Variants in COL5A1 observed in about 807,000 individuals in gnomAD.
COL5A1 encodes the protein collagen type V alpha 1 chain, also known as collagen alpha-1(V) chain.
Under a neutral mutation model 263.7 loss-of-function variants are expected in COL5A1, and 16 were observed. The observed-to-expected ratio is 0.06, with a 90% CI of 0.04 to 0.09. The LOEUF is 0.09. Ranked by LOEUF, COL5A1 falls within the 10% of genes least tolerant of loss-of-function variation. The pLI is 1.00. For missense variants in COL5A1, 2,036 were observed against 2,540.5 expected, an observed-to-expected ratio of 0.80 and a Z score of 4.27; for synonymous variants, 1,012 against 1,004.5, an observed-to-expected ratio of 1.01 and a Z score of -0.14.
intron 26 of COL5A1, among the ~76,000 whole-genome samples, chr9:134,774,180 G>C (rs922909848): frequency 1.2e-4 from 19 of 152,246 alleles, no homozygotes; most frequent in Admixed American, 5.9e-4. Flanking sequence ...CATCCTGTTA[G>C]CGATGGGATA....
In COL5A1 at chr9:134,804,982, C is replaced by T. The variant is rs1347295685; in HGVS notation, c.3122C>T (p.Pro1041Leu). ...CTCTGACTCTGTTTTCAGGGTGACC[C>T]AGGCCCTGCAGGCCTCCCTGGGAAA... ...LAGKEGTKGD[P>L]GPAGLPGKDG... The change falls in exon 40 of 66, where the codon CCA becomes CTA. Residue 1041 changes from proline to leucine, a missense_variant. Physicochemically the swap from Pro to Leu is moderately conservative, Grantham distance 98 (BLOSUM62 -3). This residue lies in a region of COL5A1 where 1,078 missense variants were observed against 1,521.4 expected (regional missense o/e 0.71). Coordinates refer to ENST00000371817, the MANE Select transcript of COL5A1 (RefSeq NM_000093.5). The T allele has an allele frequency of 6.2e-7, 1 of 1,613,376 alleles. No homozygotes were observed. The highest frequency in any genetic ancestry group is 8.5e-7 in the Non-Finnish European group (1 of 1,179,564).
chr9:134,754,532 G>A lies in COL5A1; in HGVS notation c.1827+206G>A, dbSNP rs927504954. On this transcript the variant is annotated intron_variant, in intron 16 of 65. Coordinates refer to ENST00000371817, the MANE Select transcript of COL5A1 (RefSeq NM_000093.5). This position sits in a 1 kb window ranked among gnomAD's most constrained non-coding sequence, Gnocchi z 4.3. ...TCTGTGTCCTGGGCGCAGACACAGC[G>A]GACCAGGCCTCTTCCCTGGGCACAT... Among the ~76,000 whole-genome samples, 14 of 152,236 alleles carry A rather than the reference G, an allele frequency of 9.2e-5. No individual in the cohort carries two copies. Among genetic ancestry groups the A allele is most frequent in the Non-Finnish European group, 1.3e-4 (9 of 68,036 alleles).
At chr9:134,748,358 CACAT>C (rs544629439) in intron 11 of COL5A1, among the ~76,000 whole-genome samples, 12 of 152,238 alleles carry the variant, frequency 7.9e-5, no homozygotes, top group Admixed American at 4.6e-4. Flanking sequence ...CACACACATG[CACAT>C]ACATACACTT....
At chr9:134,644,679 G>T (rs371533032) in intron 1 of COL5A1, among the ~76,000 whole-genome samples, 1 of 152,138 alleles carries the variant, frequency 6.6e-6, no homozygotes, top group East Asian at 1.9e-4. Flanking sequence ...CAGTTCTTTT[G>T]CCTGCTTTCT....
rs1394336621 is a variant in COL5A1, at chr9:134,842,875, GTTTTAAGTAAATA to G, written c.*576_*588del. On this transcript the variant is annotated 3_prime_UTR_variant, in exon 66 of 66. Coordinates refer to ENST00000371817, the MANE Select transcript of COL5A1 (RefSeq NM_000093.5). This position sits in a 1 kb window ranked among gnomAD's most constrained non-coding sequence, Gnocchi z 5.8. ...ATTAAAGGTGCTTATGTTTTTGTGA[GTTTTAAGTAAATA>G]TTTGTATTGTATTGTTATAAATGTT... The G allele has an allele frequency of 6.1e-6, 1 of 163,886 alleles. No individual in the cohort carries two copies. The highest frequency in any genetic ancestry group is 1.8e-4 in the East Asian group (1 of 5,682). The allele number at this position is 163,886 out of a possible 1,614,324, so 10.2% of individuals were successfully genotyped here.
At chr9:134,774,373 G>C (rs985761645) in intron 26 of COL5A1, among the ~76,000 whole-genome samples, 1 of 152,172 alleles carries the variant, frequency 6.6e-6, no homozygotes, top group African/African-American at 2.4e-5. Flanking sequence ...CATGGGGGCT[G>C]GATGCCCACC....
At chr9:134,725,170 T>C (rs780142284) in intron 4 of COL5A1, among the ~76,000 whole-genome samples, 1 of 152,022 alleles carries the variant, frequency 6.6e-6, no homozygotes, top group Non-Finnish European at 1.5e-5. Context: ...TTCTTTTCCC[T>C]CCCTTGAGTG....
At chr9:134,823,238 C>T (rs1056602248) in intron 60 of COL5A1, among the ~76,000 whole-genome samples, 178 bp from the exon 61 acceptor site, 11 of 152,226 alleles carry the variant, frequency 7.2e-5, no homozygotes, top group African/African-American at 2.2e-4. Flanking sequence ...CCATCCCTCT[C>T]TGTTCTCATC....
chr9:134,689,913 G>A (rs1046574621), intron 1 of COL5A1, among the ~76,000 whole-genome samples: 10 of 152,192 alleles, frequency 6.6e-5, no homozygotes, highest in African/African-American at 2.2e-4. Flanking sequence ...CCTCTTGCTC[G>A]TGGGCACAGG....
chr9:134,803,204 G>T (rs1838175290), intron 39 of COL5A1, among the ~76,000 whole-genome samples: 1 of 152,138 alleles, frequency 6.6e-6, no homozygotes, highest in Non-Finnish European at 1.5e-5. Flanking sequence ...TGGGCTTGAA[G>T]GGGGAGCGCA....
chr9:134,714,636 T>G (rs1588463991), intron 4 of COL5A1, among the ~76,000 whole-genome samples: 1 of 132,140 alleles, frequency 7.6e-6, no homozygotes. Context: ...GTGGTGGAGG[T>G]GATGGTGGTG....
intron 1 of COL5A1, among the ~76,000 whole-genome samples, chr9:134,690,366 T>A (rs1833234961): frequency 1.3e-5 from 2 of 151,902 alleles, no homozygotes; most frequent in South Asian, 2.1e-4. Context: ...GGGCCTCAGG[T>A]GGGGTGAAGG....
chr9:134,822,781 G>A, intron 59 of COL5A1: 2 of 643,382 alleles, frequency 3.1e-6, no homozygotes, highest in South Asian at 1.8e-5. Flanking sequence ...GGCTGGCCGG[G>A]GGCAGGTAGG....
intron 32 of COL5A1, among the ~76,000 whole-genome samples, chr9:134,793,484 G>T (rs1837792283): frequency 6.6e-6 from 1 of 152,162 alleles, no homozygotes; most frequent in Non-Finnish European, 1.5e-5. Context: ...TGCCTGCTGG[G>T]AGCCCCAGAT....
At chr9:134,679,930 T>C (rs906699519) in intron 1 of COL5A1, among the ~76,000 whole-genome samples, 1 of 151,500 alleles carries the variant, frequency 6.6e-6, no homozygotes, top group African/African-American at 2.4e-5. Flanking sequence ...GGCTTGTACA[T>C]GGGGGGTTTA....
intron 65 of COL5A1, among the ~76,000 whole-genome samples, chr9:134,837,824 C>G (rs1588618037): frequency 6.6e-6 from 1 of 152,146 alleles, no homozygotes; most frequent in East Asian, 1.9e-4. Context: ...CAAGTGTTCC[C>G]TTCTTTCTAC....
chr9:134,667,525 G>A (rs527918384), intron 1 of COL5A1, among the ~76,000 whole-genome samples: 2 of 152,348 alleles, frequency 1.3e-5, no homozygotes, highest in Non-Finnish European at 2.9e-5. Flanking sequence ...GTGCTCACTT[G>A]TCACTCATAA....
intron 31 of COL5A1, among the ~76,000 whole-genome samples, chr9:134,786,865 A>T (rs1193041376): frequency 6.6e-6 from 1 of 152,142 alleles, no homozygotes; most frequent in Non-Finnish European, 1.5e-5. Context: ...TTTCGGTCTC[A>T]CTGGAGCAGT....
chr9:134,805,214 G>T lies in COL5A1; in HGVS notation c.3258G>T (p.Ala1086=). ...GGCCCCCTGGCCCACCAGGCCCTGCGGTGAGTCAAAGCCTTTGTCCCATCC... is the reference window on the plus strand; with the variant it reads ...GGCCCCCTGGCCCACCAGGCCCTGCTGTGAGTCAAAGCCTTTGTCCCATCC... ...NEGPPGPPGP[A]GSPGERGPAG... The change falls in exon 41 of 66, where the codon GCG becomes GCT. Residue 1086 remains alanine, a splice_region_variant and synonymous_variant. Transcript: ENST00000371817. The T allele has an allele frequency of 6.2e-7, 1 of 1,613,896 alleles. No individual in the cohort carries two copies. The highest frequency in any genetic ancestry group is 8.5e-7 in the Non-Finnish European group (1 of 1,180,024).
Sources: allele counts gnomAD v4.1 joint callset (sites outside exome capture counted in the v4.1 genomes callset), GRCh38; gene constraint gnomAD v4.1.1; regional missense constraint gnomAD v4.1.1; non-coding constraint Gnocchi (gnomAD v3.1); transcripts MANE v1.5; gene names NCBI Gene and HGNC (gene_info 2026-07-23, HGNC 2026-07-21).